Variants in NFATC2 observed in about 807,000 individuals in gnomAD.
The protein encoded by NFATC2 is nuclear factor of activated T-cells, cytoplasmic 2.
In NFATC2, 22 loss-of-function variants were observed where a neutral mutation model predicts 87.3. The ratio of observed to expected loss-of-function variants is 0.25; its 90% confidence interval spans 0.18 to 0.36. The LOEUF (loss-of-function observed/expected upper bound fraction) is 0.36, where lower values mean the gene tolerates loss of function less well. Ranked by LOEUF, NFATC2 falls within the 10% of genes least tolerant of loss-of-function variation. NFATC2 has a pLI of 1.00. For missense variants in NFATC2, 1,149 were observed against 1,259.1 expected (o/e 0.91, Z 1.32); for synonymous variants, 565 against 542.2 (o/e 1.04, Z -0.58).
chr20:51,528,238 C>A (rs185816216), intron 1 of NFATC2, among the ~76,000 whole-genome samples: 21 of 152,242 alleles, frequency 1.4e-4, no homozygotes, highest in African/African-American at 4.8e-4. Flanking sequence ...TGAATTAATT[C>A]TGGCTCATTC....
At chr20:51,401,305 C>CCCAA (rs1161763376) in intron 9 of NFATC2, among the ~76,000 whole-genome samples, 1 of 151,802 alleles carries the variant, frequency 6.6e-6, no homozygotes, top group Admixed American at 6.6e-5. Context: ...GCCACTGTAC[C>CCCAA]CCAACCTAGG....
At chr20:51,521,303 A>C (rs1447163375) in intron 2 of NFATC2, among the ~76,000 whole-genome samples, 2 of 152,046 alleles carry the variant, frequency 1.3e-5, no homozygotes, top group African/African-American at 4.8e-5. Context: ...ACCTTTATCT[A>C]TTTAGGTACT....
chr20:51,418,946 G>A (rs1412350159), intron 9 of NFATC2, among the ~76,000 whole-genome samples: 3 of 144,808 alleles, frequency 2.1e-5, no homozygotes, highest in African/African-American at 8.4e-5. Context: ...TTATAGGCGT[G>A]AGCCACCCCC....
intron 1 of NFATC2, among the ~76,000 whole-genome samples, chr20:51,552,035 A>C (rs2076938932): frequency 1.3e-5 from 2 of 151,822 alleles, no homozygotes; most frequent in East Asian, 2.0e-4. Context: ...TCAAAAAAAA[A>C]AAAATGTGTA....
chr20:51,436,624 A>G (rs1487446363), intron 6 of NFATC2, among the ~76,000 whole-genome samples: 1 of 152,184 alleles, frequency 6.6e-6, no homozygotes, highest in African/African-American at 2.4e-5. Flanking sequence ...CTGAGGCATG[A>G]GAATTGCCTG....
intron 6 of NFATC2, among the ~76,000 whole-genome samples, chr20:51,443,899 G>T (rs1023202364): frequency 4.0e-5 from 6 of 151,350 alleles, no homozygotes; most frequent in African/African-American, 1.5e-4. Context: ...GTCTAGAGAA[G>T]ACTTAGCACA....
intron 5 of NFATC2, among the ~76,000 whole-genome samples, chr20:51,467,930 T>G (rs1027762493): frequency 1.3e-5 from 2 of 152,170 alleles, no homozygotes; most frequent in African/African-American, 4.8e-5. Flanking sequence ...CTATCAATGG[T>G]AAATAAACAA....
chr20:51,435,835 C>T, intron 6 of NFATC2, 74 bp from the exon 7 acceptor site: 1 of 1,276,444 alleles, frequency 7.8e-7, no homozygotes, highest in Non-Finnish European at 1.1e-6. Context: ...AACTCACCAA[C>T]TTCTGTTTAT....
At chr20:51,540,557 A>G (rs1269645859) in intron 1 of NFATC2, among the ~76,000 whole-genome samples, 1 of 151,946 alleles carries the variant, frequency 6.6e-6, no homozygotes, top group Non-Finnish European at 1.5e-5. Context: ...AACATTAATA[A>G]CACGGGGAAA....
chr20:51,517,049 A>C, intron 2 of NFATC2, 94 bp from the exon 3 acceptor site: 2 of 1,251,216 alleles, frequency 1.6e-6, no homozygotes, highest in Non-Finnish European at 2.2e-6. Flanking sequence ...AAAATCATGG[A>C]TACAGTCATG....
upstream of NFATC2, among the ~76,000 whole-genome samples, chr20:51,547,456 C>T (rs2076898543): frequency 6.6e-6 from 1 of 152,132 alleles, no homozygotes; most frequent in African/African-American, 2.4e-5. Flanking sequence ...CCCAAGGTGG[C>T]TCTGCGTCCC....
intron 6 of NFATC2, among the ~76,000 whole-genome samples, chr20:51,443,508 C>A (rs981219153): frequency 6.6e-6 from 1 of 152,188 alleles, no homozygotes; most frequent in Admixed American, 6.5e-5. Context: ...TTACGGGATC[C>A]TTTGTGGGAA....
At chr20:51,448,214 G>C (rs997741355) in intron 6 of NFATC2, among the ~76,000 whole-genome samples, 1 of 152,160 alleles carries the variant, frequency 6.6e-6, no homozygotes, top group African/African-American at 2.4e-5. Context: ...AAACAGAGCC[G>C]GGCAGTGGCA....
At position 51,562,494 on chromosome 20, in the gene NFATC2, G is replaced by C; in HGVS notation, c.70+66C>G. On this transcript the variant is annotated intron_variant, in intron 1 of 10. Transcript: ENST00000414705. This position sits in a 1 kb window ranked among gnomAD's most constrained non-coding sequence, Gnocchi z 5.8. Reference sequence around the variant, plus strand: ...GGGAGCTGAAAGTGCTGCCCGGGACGGGAGCAGCAGGAAAGGGCCGGGAGG... The same window carrying C: ...GGGAGCTGAAAGTGCTGCCCGGGACCGGAGCAGCAGGAAAGGGCCGGGAGG... The C allele has an allele frequency of 3.6e-6, 5 of 1,383,946 alleles. No homozygotes were observed. Among genetic ancestry groups the C allele is most frequent in the South Asian group, 2.6e-5 (2 of 77,954 alleles). 85.7% of individuals were successfully genotyped at this position (1,383,946 alleles called of 1,614,324 possible). A position where few individuals can be genotyped will look rare whatever the true frequency, so the allele number is the denominator to read the frequency against.
intron 3 of NFATC2, among the ~76,000 whole-genome samples, chr20:51,494,992 C>T (rs1242415549): frequency 6.6e-6 from 1 of 152,212 alleles, no homozygotes; most frequent in Non-Finnish European, 1.5e-5. Flanking sequence ...CCAATCCCAA[C>T]ATGGGCATTG....
chr20:51,398,937 T>C (rs1179239357), intron 9 of NFATC2: 3 of 559,952 alleles, frequency 5.4e-6, no homozygotes, highest in African/African-American at 1.9e-5. Flanking sequence ...GATGAGGGAC[T>C]CTGTGCAAAG....
At chr20:51,540,671 T>TTGTTTGTTTGTTTG (rs2076802617) in intron 1 of NFATC2, among the ~76,000 whole-genome samples, 1 of 148,684 alleles carries the variant, frequency 6.7e-6, no homozygotes, top group Non-Finnish European at 1.5e-5. Context: ...TTTTTTTTTT[T>TTGTTTGTTTGTTTG]GAGAAAACAG....
chr20:51,405,117 C>T (rs1988430985), intron 9 of NFATC2, among the ~76,000 whole-genome samples: 1 of 152,176 alleles, frequency 6.6e-6, no homozygotes, highest in South Asian at 2.1e-4. Flanking sequence ...AGAGGAGCCA[C>T]CTGCTTCGAG....
chr20:51,540,184 T>C (rs1445831153), intron 1 of NFATC2, among the ~76,000 whole-genome samples: 1 of 152,190 alleles, frequency 6.6e-6, no homozygotes, highest in African/African-American at 2.4e-5. Context: ...GGCTAATTTG[T>C]GTATTTTTAG....
Sources: allele counts gnomAD v4.1 joint callset (sites outside exome capture counted in the v4.1 genomes callset), GRCh38; gene constraint gnomAD v4.1.1; non-coding constraint Gnocchi (gnomAD v3.1); transcripts MANE v1.5; gene names NCBI Gene and HGNC (gene_info 2026-07-23, HGNC 2026-07-21).